The following TAS2R5 variants were observed in gnomAD, a reference collection of about 807,000 sequenced individuals.
The protein encoded by TAS2R5 is taste 2 receptor member 5.
Under a neutral mutation model 14.4 loss-of-function variants are expected in TAS2R5, and 11 were observed. The observed-to-expected ratio is 0.77, with a 90% CI of 0.48 to 1.27. The LOEUF (loss-of-function observed/expected upper bound fraction) is 1.27, where lower values mean the gene tolerates loss of function less well. Among genes scored for constraint, TAS2R5 ranks in the 50% most tolerant of loss-of-function variants. The probability of loss-of-function intolerance (pLI) is 0.00; values close to 1 mark genes in which losing one functional copy is unlikely to be tolerated. For missense variants in TAS2R5, 339 were observed against 353.9 expected, an observed-to-expected ratio of 0.96 and a Z score of 0.34; for synonymous variants, 120 against 137.1, an observed-to-expected ratio of 0.87 and a Z score of 0.87.
Position 141,790,378 on chromosome 7 carries a change from T to G in TAS2R5, c.17T>G (p.Leu6Arg), listed in dbSNP as rs376893938. 2.0e-5 allele frequency: 33 copies of G among 1,614,028 alleles called. No homozygotes were observed. The highest frequency in any genetic ancestry group is 2.8e-5 in the Non-Finnish European group (33 of 1,180,014). MLSAG[L>R]GLLMLVAVVE... ...TCCCCAGCCATGCTGAGCGCTGGCC[T>G]AGGACTGCTGATGCTGGTGGCAGTG... is the stretch of plus-strand genomic sequence containing the variant. Residue 6 changes from leucine (L) to arginine (R), a missense_variant, in exon 1 of 1, where the codon CTA (leucine) becomes CGA (arginine). Leu to Arg is a moderately radical substitution (Grantham distance 102, BLOSUM62 -2). Coordinates refer to ENST00000247883, the MANE Select transcript of TAS2R5 (RefSeq NM_018980.3).
In TAS2R5 at chr7:141,790,861, A is replaced by G. The variant is rs34529840; in HGVS notation, c.500A>G (p.Tyr167Cys). ...SIRYPFESWQ[Y>C]LYAFQLNSGS... ...CGGTATCCCTTTGAAAGCTGGCAGT[A>G]CCTGTATGCATTTCAGCTCAATTCA... The change falls in exon 1 of 1, where the codon TAC becomes TGC. Residue 167 changes from tyrosine (Y) to cysteine (C), a missense_variant. Tyr to Cys is a radical substitution (Grantham distance 194). Transcript: ENST00000247883. The G allele has an allele frequency of 2.7e-3, 4,369 of 1,614,126 alleles. 114 individuals are homozygous for G. In the African/African-American group the frequency reaches 0.052, roughly 19 times the overall value.
chr7:141,790,490 A>G lies in TAS2R5; in HGVS notation c.129A>G (p.Ser43=). ...REWIRKFNWS[S]YNLIILGLAG... ...GGATCAGAAAATTCAACTGGTCCTC[A>G]TATAACCTCATTATCCTGGGCCTGG... The change falls in exon 1 of 1, where the codon TCA becomes TCG. Residue 43 remains serine, a synonymous_variant. Transcript: ENST00000247883. 1 of 1,614,226 alleles carries G rather than the reference A, an allele frequency of 6.2e-7. No individual in the cohort carries two copies. Among genetic ancestry groups the G allele is most frequent in the African/African-American group, 1.3e-5 (1 of 75,048 alleles).
In TAS2R5 at chr7:141,790,273, T is replaced by G; in HGVS notation, c.-89T>G. 1.4e-6 allele frequency: 2 copies of G among 1,435,156 alleles called. No individual in the cohort carries two copies. Among genetic ancestry groups the G allele is most frequent in the Non-Finnish European group, 1.9e-6 (2 of 1,059,286 alleles). 88.9% of individuals were successfully genotyped at this position (1,435,156 alleles called of 1,614,324 possible). On this transcript the variant is annotated 5_prime_UTR_variant, in exon 1 of 1. The change creates a new upstream start codon in the 5' untranslated region. Transcript: ENST00000247883. ...CGGAAGGACGAGGCCAAATCCAGAT[T>G]TTGTGGTGTGAAAATTTACCCTGGT...
In TAS2R5 at chr7:141,791,189, T is replaced by C; in HGVS notation, c.828T>C (p.Ile276=). 6.2e-7 allele frequency: 1 copy of C among 1,614,118 alleles called. No homozygotes were observed. Among genetic ancestry groups the C allele is most frequent in the Non-Finnish European group, 8.5e-7 (1 of 1,179,978 alleles). ...SLHSLILIMG[I]PRVKQTCQKI... ...ATTCTCTCATATTGATCATGGGGAT[T>C]CCTAGGGTGAAGCAGACTTGTCAGA... is the stretch of plus-strand genomic sequence containing the variant. Residue 276 remains isoleucine, a synonymous_variant, in exon 1 of 1, where the codon ATT becomes ATC. Coordinates refer to ENST00000247883, the MANE Select transcript of TAS2R5 (RefSeq NM_018980.3).
In TAS2R5 at chr7:141,791,081, C is replaced by T. The variant is rs146499315; in HGVS notation, c.720C>T (p.Phe240=). ...TGGTTTATATCATGGCCAGCCCCTT[C>T]TCCATCACCTCCAAGACTTATCCTC... ...LHLVYIMASP[F]SITSKTYPPD... is the part of the protein sequence containing the mutation. The change falls in exon 1 of 1, where the codon TTC becomes TTT. Residue 240 remains phenylalanine, a synonymous_variant. Transcript: ENST00000247883. 7.3e-5 allele frequency: 118 copies of T among 1,614,122 alleles called. No homozygotes were observed. The highest frequency in any genetic ancestry group is 9.3e-5 in the Non-Finnish European group (110 of 1,180,044).
rs371414884 is a variant in TAS2R5 at position 141,790,874 on chromosome 7, T to C, written c.513T>C (p.Phe171=). 22 of 1,614,090 alleles carry C rather than the reference T, an allele frequency of 1.4e-5. No homozygotes were observed. Among genetic ancestry groups the C allele is most frequent in the Middle Eastern group, 3.3e-4 (2 of 6,084 alleles). ...AAAGCTGGCAGTACCTGTATGCATT[T>C]CAGCTCAATTCAGGAAGTTATTTGC... The part of the protein sequence containing the change: ...PFESWQYLYA[F]QLNSGSYLPL... Residue 171 remains phenylalanine (F), a synonymous_variant, in exon 1 of 1, where the codon TTT becomes TTC. Coordinates refer to ENST00000247883, the MANE Select transcript of TAS2R5 (RefSeq NM_018980.3).
At position 141,790,996 on chromosome 7, in the gene TAS2R5, T is replaced by C; in HGVS notation, c.635T>C (p.Val212Ala). Residue 212 changes from valine (V) to alanine (A), a missense_variant, in exon 1 of 1, where the codon GTC becomes GCC. Val to Ala is a moderately conservative substitution (Grantham distance 64). Coordinates refer to ENST00000247883, the MANE Select transcript of TAS2R5 (RefSeq NM_018980.3). The part of the protein sequence containing the change: ...MKVHSAGRRD[V>A]RAKAHITALK... Reference sequence around the variant, plus strand: ...GTCCATTCAGCTGGTAGGAGGGATGTCCGGGCCAAGGCTCACATCACTGCG... The same window carrying C: ...GTCCATTCAGCTGGTAGGAGGGATGCCCGGGCCAAGGCTCACATCACTGCG... The C allele has an allele frequency of 6.2e-7, 1 of 1,614,158 alleles. No homozygotes were observed. The highest frequency in any genetic ancestry group is 8.5e-7 in the Non-Finnish European group (1 of 1,180,036).
Position 141,791,316 on chromosome 7 carries a change from C to G in TAS2R5, c.*55C>G. On this transcript the variant is annotated 3_prime_UTR_variant, in exon 1 of 1. Coordinates refer to ENST00000247883, the MANE Select transcript of TAS2R5 (RefSeq NM_018980.3). The stretch of plus-strand genomic sequence containing the variant: ...CTTGGGACGCTCTTTTGATAGCTCT[C>G]TATAAGGGAGCTGCTTTCCATGTCT... The G allele has an allele frequency of 6.7e-7, 1 of 1,498,816 alleles. No homozygotes were observed. 92.8% of individuals were successfully genotyped at this position (1,498,816 alleles called of 1,614,324 possible). A position where few individuals can be genotyped will look rare whatever the true frequency, so the allele number is the denominator to read the frequency against.
At position 141,790,528 on chromosome 7, in the gene TAS2R5, T is replaced by A. The variant is rs755912766; in HGVS notation, c.167T>A (p.Phe56Tyr). The change falls in exon 1 of 1, where the codon TTT becomes TAT. Residue 56 changes from phenylalanine (F) to tyrosine (Y), a missense_variant. Phe to Tyr is a conservative substitution (Grantham distance 22, BLOSUM62 3). Transcript: ENST00000247883. Reference sequence around the variant, plus strand: ...ATCCTGGGCCTGGCTGGCTGCCGATTTCTCCTGCAGTGGCTGATCATTTTG... The same window carrying A: ...ATCCTGGGCCTGGCTGGCTGCCGATATCTCCTGCAGTGGCTGATCATTTTG... Reference protein sequence around the residue: ...LIILGLAGCRFLLQWLIILDL... With the variant: ...LIILGLAGCRYLLQWLIILDL... 1.5e-5 allele frequency: 24 copies of A among 1,614,124 alleles called. No homozygotes were observed. Among genetic ancestry groups the A allele is most frequent in the Non-Finnish European group, 2.0e-5 (24 of 1,180,054 alleles).
chr7:141,791,079 T>C lies in TAS2R5; in HGVS notation c.718T>C (p.Phe240Leu), dbSNP rs920223751. The C allele has an allele frequency of 6.2e-6, 10 of 1,614,074 alleles. No individual in the cohort carries two copies. Among genetic ancestry groups the C allele is most frequent in the East Asian group, 2.2e-5 (1 of 44,894 alleles). Reference protein sequence around the residue: ...LHLVYIMASPFSITSKTYPPD... With the variant: ...LHLVYIMASPLSITSKTYPPD... ...CCTGGTTTATATCATGGCCAGCCCC[T>C]TCTCCATCACCTCCAAGACTTATCC... Residue 240 changes from phenylalanine (F) to leucine (L), a missense_variant, in exon 1 of 1, where the codon TTC becomes CTC. Physicochemically the swap from Phe to Leu is conservative, Grantham distance 22 (BLOSUM62 0). Transcript: ENST00000247883.
At position 141,791,164 on chromosome 7, in the gene TAS2R5, A is replaced by G. The variant is rs757431009; in HGVS notation, c.803A>G (p.His268Arg). The G allele has an allele frequency of 2.5e-6, 4 of 1,613,978 alleles. No individual in the cohort carries two copies. Among genetic ancestry groups the G allele is most frequent in the Non-Finnish European group, 2.5e-6 (3 of 1,180,000 alleles). Residue 268 changes from histidine (H) to arginine (R), a missense_variant, in exon 1 of 1, where the codon CAT becomes CGT. By Grantham distance (29) the His-to-Arg change is conservative. Transcript: ENST00000247883. Reference sequence around the variant, plus strand: ...CTCATGGCAGCCTATCCTTCTCTTCATTCTCTCATATTGATCATGGGGATT... The same window carrying G: ...CTCATGGCAGCCTATCCTTCTCTTCGTTCTCTCATATTGATCATGGGGATT... ...ETLMAAYPSL[H>R]SLILIMGIPR...
At position 141,790,702 on chromosome 7, in the gene TAS2R5, C is replaced by T; in HGVS notation, c.341C>T (p.Ala114Val). The change falls in exon 1 of 1, where the codon GCC becomes GTC. Residue 114 changes from alanine to valine, a missense_variant. Coordinates refer to ENST00000247883, the MANE Select transcript of TAS2R5 (RefSeq NM_018980.3). ...AAGATCACGACCTTCGATCGCCCGGCCTACTTGTGGCTGAAGCAGAGGGCC... is the reference window on the plus strand; with the variant it reads ...AAGATCACGACCTTCGATCGCCCGGTCTACTTGTGGCTGAAGCAGAGGGCC... ...CKKITTFDRP[A>V]YLWLKQRAYN... is the part of the protein sequence containing the mutation. 10 of 1,614,154 alleles carry T rather than the reference C, an allele frequency of 6.2e-6. No homozygotes were observed. Among genetic ancestry groups the T allele is most frequent in the Non-Finnish European group, 7.6e-6 (9 of 1,180,018 alleles).
Position 141,791,287 on chromosome 7 carries a change from C to A in TAS2R5, c.*26C>A, listed in dbSNP as rs751857387. 1 of 1,596,118 alleles carries A rather than the reference C, an allele frequency of 6.3e-7. No individual in the cohort carries two copies. The highest frequency in any genetic ancestry group is 8.5e-7 in the Non-Finnish European group (1 of 1,171,102). ...TCTGGGAAGAAAAGTGTGGTCAGGA[C>A]ACTCTTGGGACGCTCTTTTGATAGC... On this transcript the variant is annotated 3_prime_UTR_variant, in exon 1 of 1. Coordinates refer to ENST00000247883, the MANE Select transcript of TAS2R5 (RefSeq NM_018980.3).
rs61743257 is a variant in TAS2R5, at chr7:141,790,724, G to A, written c.363G>A (p.Arg121=). 4,370 of 1,614,018 alleles carry A rather than the reference G, an allele frequency of 2.7e-3. 113 individuals carry two copies. The African/African-American group carries it at 0.052, about 19-fold the overall frequency. ...CGGCCTACTTGTGGCTGAAGCAGAGGGCCTATAACCTGAGTCTCTGGTGCC... is the reference window on the plus strand; with the variant it reads ...CGGCCTACTTGTGGCTGAAGCAGAGAGCCTATAACCTGAGTCTCTGGTGCC... ...DRPAYLWLKQ[R]AYNLSLWCLL... is the part of the protein sequence containing the mutation. The change falls in exon 1 of 1, where the codon AGG becomes AGA. Residue 121 remains arginine, a synonymous_variant. Coordinates refer to ENST00000247883, the MANE Select transcript of TAS2R5 (RefSeq NM_018980.3).
chr7:141,790,956 C>T lies in TAS2R5; in HGVS notation c.595C>T (p.His199Tyr). ...GCTGATTGTCTCTTTGTATACACAC[C>T]ACAAGAAGATGAAGGTCCATTCAGC... ...GMLIVSLYTH[H>Y]KKMKVHSAGR... The change falls in exon 1 of 1, where the codon CAC (histidine) becomes TAC (tyrosine). Residue 199 changes from histidine (H) to tyrosine (Y), a missense_variant. Coordinates refer to ENST00000247883, the MANE Select transcript of TAS2R5 (RefSeq NM_018980.3). 1.9e-6 allele frequency: 3 copies of T among 1,614,146 alleles called. No individual in the cohort carries two copies. The highest frequency in any genetic ancestry group is 2.5e-6 in the Non-Finnish European group (3 of 1,180,042).
rs1433272829 is a variant in TAS2R5 at position 141,791,318 on chromosome 7, A to G, written c.*57A>G. On this transcript the variant is annotated 3_prime_UTR_variant, in exon 1 of 1. Transcript: ENST00000247883. ...TGGGACGCTCTTTTGATAGCTCTCT[A>G]TAAGGGAGCTGCTTTCCATGTCTTT... is the stretch of plus-strand genomic sequence containing the variant. 3.9e-5 allele frequency: 57 copies of G among 1,467,492 alleles called. No homozygotes were observed. Among genetic ancestry groups the G allele is most frequent in the Non-Finnish European group, 4.7e-5 (51 of 1,087,104 alleles). 90.9% of individuals were successfully genotyped at this position (1,467,492 alleles called of 1,614,324 possible).
rs1800447939 is a variant in TAS2R5, at chr7:141,791,317, TA to T, written c.*57del. The T allele has an allele frequency of 6.7e-7, 1 of 1,497,572 alleles. No individual in the cohort carries two copies. Among genetic ancestry groups the T allele is most frequent in the Non-Finnish European group, 9.0e-7 (1 of 1,114,216 alleles). 92.8% of individuals were successfully genotyped at this position (1,497,572 alleles called of 1,614,324 possible). ...TTGGGACGCTCTTTTGATAGCTCTC[TA>T]TAAGGGAGCTGCTTTCCATGTCTTT... On this transcript the variant is annotated 3_prime_UTR_variant, in exon 1 of 1. Transcript: ENST00000247883.
rs1436327511 is a variant in TAS2R5, at chr7:141,790,908, G to A, written c.547G>A (p.Val183Met). 1.9e-6 allele frequency: 3 copies of A among 1,614,166 alleles called. No individual in the cohort carries two copies. Among genetic ancestry groups the A allele is most frequent in the African/African-American group, 1.3e-5 (1 of 75,032 alleles). ...TTCAGGAAGTTATTTGCCTTTAGTG[G>A]TGTTTCTTGTTTCCTCTGGGATGCT... ...LNSGSYLPLVVFLVSSGMLIV... is the reference protein window; with the variant it reads ...LNSGSYLPLVMFLVSSGMLIV... The change falls in exon 1 of 1, where the codon GTG becomes ATG. Residue 183 changes from valine to methionine, a missense_variant. By Grantham distance (21) the Val-to-Met change is conservative. Transcript: ENST00000247883.
At position 141,790,587 on chromosome 7, in the gene TAS2R5, C is replaced by A. The variant is rs201786698; in HGVS notation, c.226C>A (p.Arg76Ser). The change falls in exon 1 of 1, where the codon CGT (arginine) becomes AGT (serine). Residue 76 changes from arginine to serine, a missense_variant. Arg to Ser is a moderately radical substitution (Grantham distance 110). Coordinates refer to ENST00000247883, the MANE Select transcript of TAS2R5 (RefSeq NM_018980.3). The part of the protein sequence containing the change: ...LSLFPLFQSS[R>S]WLRYLSIFWV... The stretch of plus-strand genomic sequence containing the variant: ...CTTGTTTCCACTTTTCCAGAGCAGC[C>A]GTTGGCTTCGCTATCTTAGTATCTT... 5 of 1,614,022 alleles carry A rather than the reference C, an allele frequency of 3.1e-6. No homozygotes were observed. The highest frequency in any genetic ancestry group is 2.7e-5 in the African/African-American group (2 of 74,896).
Sources: allele counts gnomAD v4.1 joint callset, GRCh38; gene constraint gnomAD v4.1.1; transcripts MANE v1.5; gene names NCBI Gene and HGNC (gene_info 2026-07-23, HGNC 2026-07-21).